Variants in SDK1 observed in about 807,000 individuals in gnomAD.
The protein encoded by SDK1 is sidekick cell adhesion molecule 1.
A neutral mutation model predicts 245.5 loss-of-function variants in SDK1; 157 were observed. The ratio of observed to expected loss-of-function variants is 0.64; its 90% CI spans 0.56 to 0.73. The LOEUF is 0.73. Ranked by LOEUF, SDK1 falls within the 30% of genes least tolerant of loss-of-function variation. SDK1 has a pLI of 0.00. For synonymous variants in SDK1, 1,647 were observed against 1,278.5 expected, an observed-to-expected ratio of 1.29 and a Z score of -6.15; for missense variants, 3,583 against 3,002.3, an observed-to-expected ratio of 1.19 and a Z score of -4.52.
In SDK1 at chr7:4,266,816, C is replaced by T; in HGVS notation, c.*1432C>T. The T allele has an allele frequency of 1.0e-6, 1 of 985,534 alleles. No individual in the cohort carries two copies. The highest frequency in any genetic ancestry group is 1.2e-6 in the Non-Finnish European group (1 of 830,026). 61.0% of individuals were successfully genotyped at this position (985,534 alleles called of 1,614,324 possible). ...TGCCCCGGGTCCCTGTAAGTGCCCC[C>T]TCACCAGCAGCAGCGTGACACACAC... On this transcript the variant is annotated 3_prime_UTR_variant, in exon 45 of 45. Transcript: ENST00000404826.
intron 35 of SDK1, among the ~76,000 whole-genome samples, chr7:4,183,057 G>T (rs943414587): frequency 2.0e-5 from 3 of 152,194 alleles, no homozygotes; most frequent in Non-Finnish European, 4.4e-5. Context: ...GGGGGCTAGG[G>T]AGTGGGTGCT....
At chr7:4,064,231 T>G (rs1015385636) in intron 19 of SDK1, among the ~76,000 whole-genome samples, 3 of 151,976 alleles carry the variant, frequency 2.0e-5, no homozygotes, top group African/African-American at 7.2e-5. Flanking sequence ...CTCAACAGTT[T>G]AAAAAATCTC....
chr7:3,493,582 A>C (rs1174081722), intron 1 of SDK1, among the ~76,000 whole-genome samples: 1 of 152,224 alleles, frequency 6.6e-6, no homozygotes, highest in Non-Finnish European at 1.5e-5. Flanking sequence ...ACTTTCTTGC[A>C]CTATTATTTA....
chr7:3,577,363 T>C (rs1052315377), intron 1 of SDK1, among the ~76,000 whole-genome samples: 2 of 152,028 alleles, frequency 1.3e-5, no homozygotes, highest in African/African-American at 4.8e-5. Context: ...AGGCCAAGGT[T>C]TTACGGCCTG....
At chr7:3,856,065 T>C (rs1353863519) in intron 5 of SDK1, among the ~76,000 whole-genome samples, 1 of 152,194 alleles carries the variant, frequency 6.6e-6, no homozygotes, top group Non-Finnish European at 1.5e-5. Context: ...CCAAGAGTTA[T>C]CAACCAGAGA....
rs1400179372 is a variant in SDK1, at chr7:3,968,030, A to C, written c.1546+596A>C. ...ACTCTTCTCTATCCACGCCCTTCAG[A>C]GAGTGCCTCAGGCCTCCTCGGGCCT... On this transcript the variant is annotated intron_variant, in intron 10 of 44. Transcript: ENST00000404826. 3.3e-5 allele frequency among the ~76,000 whole-genome samples: 5 copies of C among 152,374 alleles called. No individual in the cohort carries two copies. The East Asian group carries it at 9.6e-4, about 29-fold the overall frequency.
At chr7:3,893,784 G>T (rs1477058483) in intron 5 of SDK1, among the ~76,000 whole-genome samples, 1 of 151,418 alleles carries the variant, frequency 6.6e-6, no homozygotes, top group African/African-American at 2.4e-5. Flanking sequence ...GCCTTCTCCA[G>T]GTGATGGTGA....
intron 5 of SDK1, among the ~76,000 whole-genome samples, chr7:3,884,044 T>G (rs373755552): frequency 4.9e-5 from 7 of 141,594 alleles, no homozygotes; most frequent in East Asian, 3.9e-4. Context: ...GTGATTGGTT[T>G]TTTGTTTGTT....
At chr7:3,657,958 T>G (rs963672752) in intron 4 of SDK1, among the ~76,000 whole-genome samples, 9 of 152,178 alleles carry the variant, frequency 5.9e-5, no homozygotes, top group Non-Finnish European at 1.0e-4. Flanking sequence ...CGTGAATGTT[T>G]ATGACAAAGT....
chr7:4,102,833 G>C (rs367751226), intron 22 of SDK1, among the ~76,000 whole-genome samples: 5 of 151,908 alleles, frequency 3.3e-5, no homozygotes, highest in African/African-American at 1.2e-4. Flanking sequence ...GGGTATAACA[G>C]ACAGACAGCT....
At chr7:3,401,037 G>T (rs1014742771) in intron 1 of SDK1, among the ~76,000 whole-genome samples, 6 of 152,150 alleles carry the variant, frequency 3.9e-5, no homozygotes, top group African/African-American at 1.4e-4. Context: ...TACTGCCTCT[G>T]CGTGGGTCCC....
intron 37 of SDK1, among the ~76,000 whole-genome samples, 195 bp downstream of exon 37, chr7:4,208,480 T>C (rs375023767): frequency 5.2e-4 from 79 of 152,328 alleles, no homozygotes; most frequent in African/African-American, 1.7e-3. Context: ...CTCAGACTGG[T>C]ACACAGTGGC....
intron 1 of SDK1, among the ~76,000 whole-genome samples, chr7:3,473,837 C>T (rs1000800771): frequency 6.6e-6 from 1 of 152,018 alleles, no homozygotes; most frequent in Non-Finnish European, 1.5e-5. Context: ...GTATGGTCTG[C>T]CTATATTTTT....
At chr7:4,052,221 G>A (rs1178900798) in intron 19 of SDK1, among the ~76,000 whole-genome samples, 1 of 147,668 alleles carries the variant, frequency 6.8e-6, no homozygotes, top group Non-Finnish European at 1.5e-5. Flanking sequence ...TCGCTCCCAG[G>A]GTCCTTTTCC....
intron 7 of SDK1, among the ~76,000 whole-genome samples, chr7:3,955,883 G>C (rs1314974909): frequency 2.0e-5 from 3 of 152,172 alleles, no homozygotes. Flanking sequence ...GGGGCAGTCT[G>C]GGAGGTCTCC....
intron 1 of SDK1, among the ~76,000 whole-genome samples, chr7:3,412,408 C>G (rs758467350): frequency 6.6e-6 from 1 of 152,146 alleles, no homozygotes; most frequent in Non-Finnish European, 1.5e-5. Context: ...TTGGAGCTGA[C>G]TCTCAAGCAG....
intron 1 of SDK1, among the ~76,000 whole-genome samples, chr7:3,488,345 T>G (rs186543664): frequency 9.5e-4 from 145 of 152,316 alleles, no homozygotes; most frequent in Non-Finnish European, 1.8e-3. Flanking sequence ...TGTCGTTATT[T>G]TCTAAAGATT....
At position 4,221,310 on chromosome 7, in the gene SDK1, G is replaced by T; in HGVS notation, c.5773G>T (p.Gly1925Ter). Residue 1925 changes from glycine to a stop codon, truncating the protein, a stop_gained, in exon 40 of 45, where the codon GGA (glycine) becomes TGA (stop). Coordinates refer to ENST00000404826, the MANE Select transcript of SDK1 (RefSeq NM_152744.4). LOFTEE classifies it high-confidence loss of function. ...TGAACTGACGCTGCAGTGGACTGAG[G>T]GACACTCTGGCGACACACCTACCAC... ...ASELTLQWTE[G>*]HSGDTPTTGY... 6.2e-7 allele frequency: 1 copy of T among 1,613,590 alleles called. No homozygotes were observed. Among genetic ancestry groups the T allele is most frequent in the Non-Finnish European group, 8.5e-7 (1 of 1,179,908 alleles).
chr7:3,879,232 A>G (rs1781148354), intron 5 of SDK1, among the ~76,000 whole-genome samples: 1 of 152,220 alleles, frequency 6.6e-6, no homozygotes, highest in South Asian at 2.1e-4. Context: ...TGGCGGCTGC[A>G]AGAGTGTGTG....
Sources: gnomAD v4.1 joint callset for allele counts (sites outside exome capture counted in the v4.1 genomes callset) on GRCh38, gnomAD v4.1.1 for gene constraint, MANE v1.5 for transcripts, NCBI Gene and HGNC (gene_info 2026-07-23, HGNC 2026-07-21) for gene names.